ATAD2B: variants seen among roughly 807,000 people sequenced by gnomAD.
ATAD2B encodes the protein ATPase family AAA domain-containing protein 2B.
Under a neutral mutation model 167.6 loss-of-function variants are expected in ATAD2B, and 40 were observed. The observed-to-expected ratio is 0.24, with a 90% CI of 0.19 to 0.31. ATAD2B has a LOEUF of 0.31. Ranked by LOEUF, ATAD2B falls within the 10% of genes least tolerant of loss-of-function variation. ATAD2B has a pLI of 1.00. For synonymous variants in ATAD2B, 579 were observed against 596.5 expected (o/e 0.97, Z 0.43); for missense variants, 1,242 against 1,757.2 (o/e 0.71, Z 5.24).
chr2:23,710,722 A>C, the ATAD2B span, among the ~76,000 whole-genome samples: 3 of 152,240 alleles, frequency 2.0e-5, no homozygotes, highest in East Asian at 3.8e-4. Context: ...ATGAAAAAAC[A>C]ATACAGTGTA....
At chr2:23,804,705 T>C (rs573827255) in intron 18 of ATAD2B, among the ~76,000 whole-genome samples, 2 of 150,580 alleles carry the variant, frequency 1.3e-5, no homozygotes, top group African/African-American at 4.9e-5. Context: ...AACATCAATA[T>C]ATAGTTCACT....
chr2:23,693,146 G>C, the ATAD2B span: 35 of 1,162,686 alleles, frequency 3.0e-5, no homozygotes, highest in East Asian at 8.1e-4. Context: ...AGGGACTCTG[G>C]ACACTGCAGT....
chr2:23,913,373 C>G (rs1288101317), intron 1 of ATAD2B, among the ~76,000 whole-genome samples: 1 of 152,214 alleles, frequency 6.6e-6, no homozygotes, highest in East Asian at 1.9e-4. Context: ...CAGTGGCTCA[C>G]TCACGCCTGT....
chr2:23,872,472 T>C (rs1433135010), intron 8 of ATAD2B: 13 of 740,158 alleles, frequency 1.8e-5, no homozygotes, highest in Non-Finnish European at 2.5e-5. Context: ...TCAGCACCCA[T>C]TTCCCCTCTT....
At chr2:23,906,205 G>A (rs1054805778) in intron 1 of ATAD2B, among the ~76,000 whole-genome samples, 1 of 151,956 alleles carries the variant, frequency 6.6e-6, no homozygotes, top group African/African-American at 2.4e-5. Context: ...GCCGGGTTTG[G>A]TGGTGGGCGC....
the ATAD2B span, chr2:23,706,407 C>T: frequency 2.4e-4 from 291 of 1,213,658 alleles, 1 homozygote; most frequent in Non-Finnish European, 3.0e-4. Context: ...CAACAGGACA[C>T]GACGTTGAGA....
At position 23,888,265 on chromosome 2, in the gene ATAD2B, A is replaced by C. The variant is rs988596802; in HGVS notation, c.418+85T>G. ...CAACTGTATGCTCAGCACACTATTA[A>C]ATCACTCTATTTTTCCCCACTTTAC... On this transcript the variant is annotated intron_variant, in intron 3 of 27. Coordinates refer to ENST00000238789, the MANE Select transcript of ATAD2B (RefSeq NM_017552.4). 1.2e-5 allele frequency: 11 copies of C among 953,654 alleles called. No individual in the cohort carries two copies. In the Admixed American group the frequency reaches 2.0e-4, roughly 18 times the overall value. The allele number at this position is 953,654 out of a possible 1,614,324, so 59.1% of individuals were successfully genotyped here. A position where few individuals can be genotyped will look rare whatever the true frequency, so the allele number is the denominator to read the frequency against.
the ATAD2B span, chr2:23,695,984 G>A: frequency 1.2e-5 from 18 of 1,551,476 alleles, no homozygotes; most frequent in South Asian, 1.2e-5. This position sits in a 1 kb window ranked among gnomAD's most constrained non-coding sequence, Gnocchi z 7.6. Flanking sequence ...GTTGGGGGCC[G>A]TCAGATGGTG....
At chr2:23,915,804 G>C (rs528931680) in intron 1 of ATAD2B, among the ~76,000 whole-genome samples, 1 of 151,716 alleles carries the variant, frequency 6.6e-6, no homozygotes, top group South Asian at 2.1e-4. Context: ...TATTGGTCAG[G>C]CTACTCTCGA....
At chr2:23,871,371 A>G (rs1695951319) in intron 8 of ATAD2B, among the ~76,000 whole-genome samples, 1 of 152,168 alleles carries the variant, frequency 6.6e-6, no homozygotes, top group Admixed American at 6.5e-5. Flanking sequence ...TTAAAATTCA[A>G]TGGCCTACTT....
intron 8 of ATAD2B, among the ~76,000 whole-genome samples, 192 bp downstream of exon 8, chr2:23,875,637 C>G (rs1476917665): frequency 1.3e-5 from 2 of 152,186 alleles, no homozygotes; most frequent in African/African-American, 4.8e-5. Context: ...TTCAACTCTG[C>G]TAAGAGACCA....
intron 2 of ATAD2B, among the ~76,000 whole-genome samples, chr2:23,892,232 T>C (rs2150333699): frequency 6.6e-6 from 1 of 152,120 alleles, no homozygotes; most frequent in South Asian, 2.1e-4. Context: ...GGCGCGATCT[T>C]GGCTCATTGC....
the ATAD2B span, among the ~76,000 whole-genome samples, chr2:23,687,257 C>T: frequency 6.6e-6 from 1 of 152,164 alleles, no homozygotes; most frequent in Admixed American, 6.5e-5. Flanking sequence ...CCTGGGTGAG[C>T]CCTGCCAGGG....
At chr2:23,703,905 G>A in the ATAD2B span, 1 of 1,515,736 alleles carries the variant, frequency 6.6e-7, no homozygotes, top group African/African-American at 1.4e-5. Context: ...GGACGGAGGA[G>A]TGGGAGGAGG....
At chr2:23,706,408 G>A in the ATAD2B span, 7 of 1,222,304 alleles carry the variant, frequency 5.7e-6, no homozygotes, top group Admixed American at 3.5e-5. Context: ...AACAGGACAC[G>A]ACGTTGAGAA....
chr2:23,692,835 G>A, the ATAD2B span, among the ~76,000 whole-genome samples: 1 of 152,172 alleles, frequency 6.6e-6, no homozygotes, highest in Non-Finnish European at 1.5e-5. Flanking sequence ...GCTGGGAGGT[G>A]TGTGAGGGGC....
chr2:23,911,615 G>A lies in ATAD2B; in HGVS notation c.216+14940C>T, dbSNP rs955371910. 2.6e-5 allele frequency among the ~76,000 whole-genome samples: 4 copies of A among 151,928 alleles called. No homozygotes were observed. The East Asian group carries it at 7.7e-4, about 29-fold the overall frequency. ...GAACAGAGGAAGGGGACGGGGAGGG[G>A]GAGGGGGCGAAGCGAAGCTAATAAA... On this transcript the variant is annotated intron_variant, in intron 1 of 27. Transcript: ENST00000238789.
the ATAD2B span, among the ~76,000 whole-genome samples, chr2:23,692,926 C>G: frequency 2.6e-5 from 4 of 152,190 alleles, no homozygotes; most frequent in African/African-American, 7.2e-5. Context: ...GTGCCACCCT[C>G]AACCTCAGCG....
the ATAD2B span, among the ~76,000 whole-genome samples, chr2:23,722,288 A>G: frequency 6.6e-6 from 1 of 152,242 alleles, no homozygotes; most frequent in Non-Finnish European, 1.5e-5. Flanking sequence ...CAGAAAAAGA[A>G]TTCAAAATAA....
Sources: gnomAD v4.1 joint callset for allele counts (sites outside exome capture counted in the v4.1 genomes callset) on GRCh38, gnomAD v4.1.1 for gene constraint, Gnocchi (gnomAD v3.1) non-coding constraint, MANE v1.5 for transcripts, NCBI Gene and HGNC (gene_info 2026-07-23, HGNC 2026-07-21) for gene names.